RABGAP1: variants seen among roughly 807,000 people sequenced by gnomAD.
The protein encoded by RABGAP1 is rab GTPase-activating protein 1.
Under a neutral mutation model 137.6 loss-of-function variants are expected in RABGAP1, and 23 were observed. The ratio of observed to expected loss-of-function variants is 0.17; its 90% CI spans 0.12 to 0.24. The LOEUF is 0.24. Ranked by LOEUF, RABGAP1 falls within the 10% of genes least tolerant of loss-of-function variation. The pLI is 1.00. For synonymous variants in RABGAP1, 451 were observed against 450.7 expected (o/e 1.00, Z -0.01); for missense variants, 906 against 1,275.8 (o/e 0.71, Z 4.42).
At chr9:123,007,559 T>A (rs893918395) in intron 10 of RABGAP1, among the ~76,000 whole-genome samples, 16 of 146,792 alleles carry the variant, frequency 1.1e-4, no homozygotes, top group African/African-American at 3.7e-4. Context: ...TTGTATTTTT[T>A]TTTTTTTTTT....
At chr9:123,066,609 A>G (rs1363780860) in intron 14 of RABGAP1, among the ~76,000 whole-genome samples, 1 of 152,158 alleles carries the variant, frequency 6.6e-6, no homozygotes, top group African/African-American at 2.4e-5. Flanking sequence ...CCTAAACCAG[A>G]GGCCTTCCTC....
At chr9:123,034,303 T>C in intron 13 of RABGAP1, 1 of 501,272 alleles carries the variant, frequency 2.0e-6, no homozygotes, top group Non-Finnish European at 3.5e-6. Flanking sequence ...CCTGGTGCTA[T>C]GTGTATGGTG....
intron 13 of RABGAP1, among the ~76,000 whole-genome samples, chr9:123,023,401 G>A (rs553764731): frequency 2.0e-5 from 3 of 152,126 alleles, no homozygotes; most frequent in South Asian, 4.1e-4. Flanking sequence ...GGCTCGTCTC[G>A]AACTCCTGAC....
chr9:123,089,960 G>T (rs1235068735), intron 20 of RABGAP1, 110 bp downstream of exon 20: 21 of 1,015,938 alleles, frequency 2.1e-5, no homozygotes, highest in Non-Finnish European at 1.0e-5. Flanking sequence ...TCCTCTGTAG[G>T]TTCAGGTTTG....
intron 21 of RABGAP1, among the ~76,000 whole-genome samples, chr9:123,095,151 C>T (rs1047199850): frequency 3.4e-5 from 5 of 148,004 alleles, no homozygotes; most frequent in Non-Finnish European, 5.9e-5. Flanking sequence ...CACTTGAACC[C>T]GGGAGGCAGG....
At chr9:123,007,158 C>T (rs1369427562) in intron 10 of RABGAP1, among the ~76,000 whole-genome samples, 2 of 151,878 alleles carry the variant, frequency 1.3e-5, no homozygotes, top group Non-Finnish European at 2.9e-5. Context: ...ACTGCAACCT[C>T]CACCTCCCAG....
chr9:123,016,373 G>A (rs1043713034), intron 12 of RABGAP1, among the ~76,000 whole-genome samples: 1 of 152,138 alleles, frequency 6.6e-6, no homozygotes, highest in South Asian at 2.1e-4. Context: ...TGGGCGTGGT[G>A]ACGCACACCT....
chr9:123,033,588 C>A (rs2032428966), intron 13 of RABGAP1: 1 of 151,976 alleles, frequency 6.6e-6, no homozygotes. Context: ...TTTCCCAAGC[C>A]CCCTCTTCTC....
chr9:123,086,488 A>G (rs752253279), intron 19 of RABGAP1, among the ~76,000 whole-genome samples: 3 of 152,100 alleles, frequency 2.0e-5, no homozygotes, highest in Non-Finnish European at 4.4e-5. Context: ...GAGGCTTAAA[A>G]TGCCCCTGCT....
At chr9:123,071,244 C>G (rs2034346208) in intron 15 of RABGAP1, among the ~76,000 whole-genome samples, 1 of 152,186 alleles carries the variant, frequency 6.6e-6, no homozygotes. Flanking sequence ...TAATCAAGAT[C>G]TAATGAAGAT....
chr9:122,943,072 CTTTTTTTTTTTTTTTT>C lies in RABGAP1; in HGVS notation c.-50+1993_-50+2008del, dbSNP rs10582436. Among the ~76,000 whole-genome samples the C allele has an allele frequency of 1.5e-3, 175 of 116,162 alleles. 2 individuals carry two copies. Among genetic ancestry groups the C allele is most frequent in the East Asian group, 5.9e-3 (19 of 3,222 alleles). The allele number at this position is 116,162 out of a possible 152,430, so 76.2% of individuals were successfully genotyped here. A position where few individuals can be genotyped will look rare whatever the true frequency, so the allele number is the denominator to read the frequency against. On this transcript the variant is annotated intron_variant, in intron 1 of 25. Transcript: ENST00000373647. ...ATATAGTCATGTTGTGGTGCACTTT[CTTTTTTTTTTTTTTTT>C]TTTTTTTTTTTTTGAGACTGAGTTG...
At chr9:122,955,432 T>C (rs942609081) in intron 1 of RABGAP1, among the ~76,000 whole-genome samples, 1 of 152,224 alleles carries the variant, frequency 6.6e-6, no homozygotes. Flanking sequence ...CAATTTGAAA[T>C]GTTTTTGAAT....
intron 3 of RABGAP1, 92 bp from the exon 4 acceptor site, chr9:122,986,123 C>A (rs1836357023): frequency 1.6e-6 from 2 of 1,215,100 alleles, no homozygotes; most frequent in Admixed American, 2.0e-5. Flanking sequence ...AATTTTAGAC[C>A]TTAAATGTTA....
At chr9:122,989,232 A>G in intron 4 of RABGAP1, 65 bp from the exon 5 acceptor site, 2 of 1,401,880 alleles carry the variant, frequency 1.4e-6, no homozygotes, top group South Asian at 2.3e-5. Flanking sequence ...CTCACATCTT[A>G]ATCTAAACGT....
intron 13 of RABGAP1, among the ~76,000 whole-genome samples, chr9:123,025,880 C>T (rs536681753): frequency 4.6e-5 from 7 of 151,826 alleles, no homozygotes; most frequent in East Asian, 1.9e-4. Context: ...TTCTTGGTTT[C>T]GTCTTTATAT....
At chr9:123,038,804 C>A (rs1255935644) in intron 13 of RABGAP1, among the ~76,000 whole-genome samples, 1 of 151,574 alleles carries the variant, frequency 6.6e-6, no homozygotes, top group Non-Finnish European at 1.5e-5. Flanking sequence ...GTAGACATTT[C>A]TTATGGCTGT....
chr9:123,079,051 A>G (rs367610389), intron 19 of RABGAP1, among the ~76,000 whole-genome samples: 6 of 152,200 alleles, frequency 3.9e-5, no homozygotes, highest in African/African-American at 1.2e-4. Flanking sequence ...GTTTCATGCA[A>G]TTATACGGAT....
intron 13 of RABGAP1, chr9:123,035,507 G>A: frequency 6.2e-7 from 1 of 1,614,014 alleles, no homozygotes; most frequent in Non-Finnish European, 8.5e-7. Flanking sequence ...TTCCAAAGAG[G>A]ACTAAAGCGC....
intron 19 of RABGAP1, among the ~76,000 whole-genome samples, chr9:123,088,379 T>G (rs919847667): frequency 2.1e-5 from 3 of 146,070 alleles, no homozygotes; most frequent in Non-Finnish European, 4.5e-5. Context: ...CACACATCTG[T>G]TTTTTTTTTA....
Sources: allele counts gnomAD v4.1 joint callset (sites outside exome capture counted in the v4.1 genomes callset), GRCh38; gene constraint gnomAD v4.1.1; transcripts MANE v1.5; gene names NCBI Gene and HGNC (gene_info 2026-07-23, HGNC 2026-07-21).